The following SKOR2 variants were observed in gnomAD, a reference collection of about 807,000 sequenced individuals.
SKOR2 encodes LBX1 corepressor 1-like protein.
In SKOR2, 47 loss-of-function variants were observed where a neutral mutation model predicts 69.1. The observed-to-expected ratio is 0.68, with a 90% CI of 0.54 to 0.87. SKOR2 has a LOEUF of 0.87. Among genes scored for constraint, SKOR2 ranks in the 40% least tolerant of loss-of-function variants. SKOR2 has a pLI of 0.00. For missense variants in SKOR2, 1,404 were observed against 1,472.2 expected (o/e 0.95, Z 0.76); for synonymous variants, 717 against 672.6 (o/e 1.07, Z -1.02).
At position 47,219,277 on chromosome 18, in the gene SKOR2, C is replaced by T. The variant is rs564037383; in HGVS notation, c.2985+666G>A. Among the ~76,000 whole-genome samples the T allele has an allele frequency of 1.7e-4, 26 of 152,222 alleles. No homozygotes were observed. The South Asian group carries it at 5.2e-3, about 30-fold the overall frequency. On this transcript the variant is annotated intron_variant, in intron 7 of 8. Coordinates refer to ENST00000425639, the MANE Select transcript of SKOR2 (RefSeq NM_001278063.4). ...CAAAAATGAGGAGGCTTGGGAGACT[C>T]CTTTAAAAGCCCTAATGAATAGTAC...
chr18:47,249,214 C>T lies in SKOR2; in HGVS notation c.-31G>A, dbSNP rs1348279514. The T allele has an allele frequency of 2.0e-6, 3 of 1,525,448 alleles. No individual in the cohort carries two copies. The highest frequency in any genetic ancestry group is 2.6e-6 in the Non-Finnish European group (3 of 1,141,684). The allele number at this position is 1,525,448 out of a possible 1,614,324, so 94.5% of individuals were successfully genotyped here. A position where few individuals can be genotyped will look rare whatever the true frequency, so the allele number is the denominator to read the frequency against. ...CCGCAGAACCCCGGGCCGAGCCCTA[C>T]AGGTCTGCCTTGGACACTGGAAGGG... On this transcript the variant is annotated 5_prime_UTR_variant, in exon 2 of 9. Transcript: ENST00000425639.
chr18:47,228,398 T>C (rs2064186148), intron 6 of SKOR2, among the ~76,000 whole-genome samples: 1 of 152,262 alleles, frequency 6.6e-6, no homozygotes. Flanking sequence ...GAATTGAAAC[T>C]GGCCAGTACT....
At chr18:47,237,013 G>A (rs954668433) in intron 4 of SKOR2, among the ~76,000 whole-genome samples, 1 of 152,066 alleles carries the variant, frequency 6.6e-6, no homozygotes, top group Non-Finnish European at 1.5e-5. Context: ...AGGTAATCCC[G>A]ATCACCCCTA....
chr18:47,219,044 T>C (rs1343810693), intron 7 of SKOR2, among the ~76,000 whole-genome samples: 1 of 152,224 alleles, frequency 6.6e-6, no homozygotes, highest in East Asian at 1.9e-4. Context: ...AGGAACTAGA[T>C]ATCTGGCTCT....
intron 7 of SKOR2, among the ~76,000 whole-genome samples, chr18:47,219,720 T>C (rs1042131166): frequency 2.0e-5 from 3 of 152,202 alleles, no homozygotes; most frequent in Admixed American, 2.0e-4. Context: ...TTTACACATC[T>C]GTCTATTAAC....
chr18:47,248,278 C>G lies in SKOR2; in HGVS notation c.906G>C (p.Pro302=). 1 of 1,215,966 alleles carries G rather than the reference C, an allele frequency of 8.2e-7. No homozygotes were observed. The highest frequency in any genetic ancestry group is 1.0e-6 in the Non-Finnish European group (1 of 979,998). 75.3% of individuals were successfully genotyped at this position (1,215,966 alleles called of 1,614,324 possible). A position where few individuals can be genotyped will look rare whatever the true frequency, so the allele number is the denominator to read the frequency against. Residue 302 remains proline (P), a synonymous_variant, in exon 2 of 9, where the codon CCG becomes CCC. Coordinates refer to ENST00000425639, the MANE Select transcript of SKOR2 (RefSeq NM_001278063.4). The surrounding 1 kb of genome is among the most constrained non-coding windows in gnomAD (Gnocchi z 6.4). ...AGCGCGGCCGCTTGTGATGGGCGTGCGGGGCACCAGCCAGCTCTGCCAAGG... is the reference window on the plus strand; with the variant it reads ...AGCGCGGCCGCTTGTGATGGGCGTGGGGGGCACCAGCCAGCTCTGCCAAGG... ...PPPLAELAGA[P]HAHHKRPRFD...
chr18:47,248,695 G>A lies in SKOR2; in HGVS notation c.489C>T (p.Arg163=). 1 of 1,563,688 alleles carries A rather than the reference G, an allele frequency of 6.4e-7. No individual in the cohort carries two copies. ...WGCRGSFIPA[R]YNSSRAKCIK... is the part of the protein sequence containing the mutation. ...TGCACTTGGCGCGCGAGCTGTTGTA[G>A]CGCGCGGGAATGAAGCTGCCGCGGC... The change falls in exon 2 of 9, where the codon CGC becomes CGT. Residue 163 remains arginine, a synonymous_variant. Coordinates refer to ENST00000425639, the MANE Select transcript of SKOR2 (RefSeq NM_001278063.4). The surrounding 1 kb of genome is among the most constrained non-coding windows in gnomAD (Gnocchi z 6.4).
At position 47,247,710 on chromosome 18, in the gene SKOR2, G is replaced by T; in HGVS notation, c.1474C>A (p.Pro492Thr). 7.3e-7 allele frequency: 1 copy of T among 1,360,748 alleles called. No individual in the cohort carries two copies. The highest frequency in any genetic ancestry group is 9.4e-7 in the Non-Finnish European group (1 of 1,066,408). The allele number at this position is 1,360,748 out of a possible 1,614,324, so 84.3% of individuals were successfully genotyped here. A position where few individuals can be genotyped will look rare whatever the true frequency, so the allele number is the denominator to read the frequency against. ...PTYLQPPPQP[P>T]SALGCALGES... ...CCTAGCGCGCAGCCTAGCGCCGAGG[G>T]CGGCTGAGGCGGGGGCTGCAGGTAG... is the stretch of plus-strand genomic sequence containing the variant. Residue 492 changes from proline (P) to threonine (T), a missense_variant, in exon 2 of 9, where the codon CCC becomes ACC. This residue lies in a region of SKOR2 where 1,266 missense variants were observed against 1,309.9 expected (regional missense o/e 0.97). Transcript: ENST00000425639. The surrounding 1 kb of genome is among the most constrained non-coding windows in gnomAD (Gnocchi z 6.6).
chr18:47,234,874 A>AAAAAAAAAG (rs1378986554), intron 4 of SKOR2, among the ~76,000 whole-genome samples: 1 of 147,910 alleles, frequency 6.8e-6, no homozygotes, highest in Non-Finnish European at 1.5e-5. Context: ...GAAAAAAAAA[A>AAAAAAAAAG]AGAGAGGGGG....
intron 7 of SKOR2, among the ~76,000 whole-genome samples, chr18:47,218,044 G>A (rs903578982): frequency 6.6e-6 from 1 of 152,074 alleles, no homozygotes; most frequent in South Asian, 2.1e-4. Flanking sequence ...TATCTCAAAA[G>A]ACATGAGATA....
intron 1 of SKOR2, 125 bp downstream of exon 1, chr18:47,251,249 A>G (rs2064311387): frequency 6.6e-6 from 1 of 152,134 alleles, no homozygotes; most frequent in South Asian, 2.1e-4. Flanking sequence ...CCCGACTCCC[A>G]AACCAGTCAC....
At chr18:47,209,775 G>C (rs1258724666) in intron 8 of SKOR2, among the ~76,000 whole-genome samples, 1 of 152,132 alleles carries the variant, frequency 6.6e-6, no homozygotes, top group Non-Finnish European at 1.5e-5. Context: ...GGAGTAAAAA[G>C]AGAGTTTACT....
At chr18:47,214,891 C>A (rs1394809990) in intron 7 of SKOR2, among the ~76,000 whole-genome samples, 1 of 151,712 alleles carries the variant, frequency 6.6e-6, no homozygotes, top group East Asian at 1.9e-4. Context: ...TCATCTTGAC[C>A]AGCTTAGAAA....
At chr18:47,236,325 T>G (rs1033881295) in intron 4 of SKOR2, among the ~76,000 whole-genome samples, 1 of 152,222 alleles carries the variant, frequency 6.6e-6, no homozygotes, top group African/African-American at 2.4e-5. Flanking sequence ...GCATTTATTT[T>G]TCACATCTGC....
At chr18:47,215,230 G>GCTTGCATTAAGTCTTCTGA (rs1477740018) in intron 7 of SKOR2, among the ~76,000 whole-genome samples, 1 of 152,122 alleles carries the variant, frequency 6.6e-6, no homozygotes, top group Admixed American at 6.6e-5. Flanking sequence ...AGAAGTTCAG[G>GCTTGCATTAAGTCTTCTGA]CTTGCATTAA....
intron 8 of SKOR2, 84 bp from the exon 9 acceptor site, chr18:47,206,976 T>C (rs1411869365): frequency 2.0e-5 from 3 of 152,200 alleles, no homozygotes; most frequent in Non-Finnish European, 4.4e-5. Context: ...ATATTTAGTA[T>C]ACCCTCCTTA....
chr18:47,245,108 T>A, intron 3 of SKOR2, 126 bp from the exon 4 acceptor site: 3 of 741,916 alleles, frequency 4.0e-6, no homozygotes, highest in East Asian at 2.7e-5. Context: ...AGCTATTAAC[T>A]CCAAGGAGAA....
intron 6 of SKOR2, among the ~76,000 whole-genome samples, chr18:47,228,229 A>G (rs2064185578): frequency 6.6e-6 from 1 of 152,188 alleles, no homozygotes. Flanking sequence ...GCATTATTTA[A>G]ACTTGGGCAC....
chr18:47,244,620 G>T (rs1270296866), intron 4 of SKOR2, among the ~76,000 whole-genome samples: 2 of 152,068 alleles, frequency 1.3e-5, no homozygotes, highest in Admixed American at 6.5e-5. Context: ...CTTTTTAATG[G>T]AAGGTTTCTA....
Sources: allele counts gnomAD v4.1 joint callset (sites outside exome capture counted in the v4.1 genomes callset), GRCh38; gene constraint gnomAD v4.1.1; regional missense constraint gnomAD v4.1.1; non-coding constraint Gnocchi (gnomAD v3.1); transcripts MANE v1.5; gene names NCBI Gene and HGNC (gene_info 2026-07-23, HGNC 2026-07-21).